CCDC7: variants seen among roughly 807,000 people sequenced by gnomAD.
The protein encoded by CCDC7 is coiled-coil domain containing 7, also known as coiled-coil domain-containing protein 7.
In CCDC7, 183 loss-of-function variants were observed where a neutral mutation model predicts 196.9. The observed-to-expected ratio is 0.93, with a 90% CI of 0.82 to 1.05. The LOEUF is 1.05. CCDC7 is among the 50% of genes least tolerant of loss of function. The pLI, the probability that CCDC7 is intolerant of heterozygous loss-of-function variation, is 0.00. For missense variants in CCDC7, 1,540 were observed against 1,482.2 expected (o/e 1.04, Z -0.64); for synonymous variants, 525 against 484.6 (o/e 1.08, Z -1.10).
In CCDC7 at chr10:32,721,930, G is replaced by A. The variant is rs540855805; in HGVS notation, c.2570-4804G>A. Among the ~76,000 whole-genome samples the A allele has an allele frequency of 1.1e-4, 17 of 152,234 alleles. No individual in the cohort carries two copies. In the South Asian group the frequency reaches 3.5e-3, roughly 32 times the overall value. On this transcript the variant is annotated intron_variant, in intron 25 of 41. Coordinates refer to ENST00000639629, the Ensembl canonical transcript of CCDC7. ...GTCTTGGGCAGTAGCCTCTGTGACAGTCACAAAGTCAGTACTGCCAGTGCT... is the reference window on the plus strand; with the variant it reads ...GTCTTGGGCAGTAGCCTCTGTGACAATCACAAAGTCAGTACTGCCAGTGCT...
chr10:32,845,939 C>T, exon 36 of CCDC7: 2 of 1,611,584 alleles, frequency 1.2e-6, no homozygotes, highest in East Asian at 2.2e-5. Context: ...CCAATCACTA[C>T]ACAACTGAAG....
At chr10:32,851,777 A>G (rs2093574426) in intron 39 of CCDC7, 30 bp from the exon 41 acceptor site, 1 of 1,589,294 alleles carries the variant, frequency 6.3e-7, no homozygotes, top group Non-Finnish European at 8.6e-7. Flanking sequence ...CATCTATTGT[A>G]TGGCTAACAT....
chr10:32,563,459 T>C (rs1489960807), intron 13 of CCDC7, among the ~76,000 whole-genome samples: 1 of 151,982 alleles, frequency 6.6e-6, no homozygotes, highest in Admixed American at 6.6e-5. Context: ...GAGATATAGA[T>C]CAATGGAACA....
Position 32,453,455 on chromosome 10 carries a change from A to C in CCDC7, c.372+19A>C, listed in dbSNP as rs532711423. 1 of 1,439,064 alleles carries C rather than the reference A, an allele frequency of 6.9e-7. No individual in the cohort carries two copies. Among genetic ancestry groups the C allele is most frequent in the South Asian group, 1.7e-5 (1 of 58,254 alleles). The allele number at this position is 1,439,064 out of a possible 1,614,324, so 89.1% of individuals were successfully genotyped here. ...TTTATCTGTAAGTATATGCAACCCT[A>C]ATATAGAGACATTAACACTGAAAAG... is the stretch of plus-strand genomic sequence containing the variant. On this transcript the variant is annotated intron_variant, in intron 2 of 41. Coordinates refer to ENST00000639629, the Ensembl canonical transcript of CCDC7.
At chr10:32,663,808 A>G (rs2072040525) in intron 20 of CCDC7, among the ~76,000 whole-genome samples, 1 of 151,956 alleles carries the variant, frequency 6.6e-6, no homozygotes, top group Non-Finnish European at 1.5e-5. Context: ...TAAATAATTA[A>G]GAACAAGTAG....
chr10:32,704,458 G>C (rs952714461), intron 24 of CCDC7, among the ~76,000 whole-genome samples: 3 of 151,010 alleles, frequency 2.0e-5, no homozygotes, highest in Non-Finnish European at 4.4e-5. Context: ...CAGGGGTCAG[G>C]GACCCACTTG....
At chr10:32,689,027 C>T (rs776386597) in intron 22 of CCDC7, 26 bp from the exon 24 acceptor site, 51 of 1,337,654 alleles carry the variant, frequency 3.8e-5, no homozygotes, top group East Asian at 3.0e-4. Flanking sequence ...TGTAATTTAG[C>T]GGACTAAACA....
At chr10:32,774,934 G>A (rs2079759735) in intron 28 of CCDC7, among the ~76,000 whole-genome samples, 1 of 152,120 alleles carries the variant, frequency 6.6e-6, no homozygotes, top group African/African-American at 2.4e-5. Flanking sequence ...TTTTGTTGTT[G>A]TTGTTAAAGA....
At chr10:32,824,422 G>T in intron 31 of CCDC7, 96 bp from the exon 33 acceptor site, 1 of 677,822 alleles carries the variant, frequency 1.5e-6, no homozygotes, top group Non-Finnish European at 2.4e-6. Context: ...CTACTCCAAT[G>T]AAGAATATTA....
At chr10:32,848,138 TTC>T (rs982827500) in intron 38 of CCDC7, among the ~76,000 whole-genome samples, 3 of 152,212 alleles carry the variant, frequency 2.0e-5, no homozygotes, top group African/African-American at 7.2e-5. Flanking sequence ...AGGTTTATAA[TTC>T]TCTGTTTAAA....
At chr10:32,721,158 A>G (rs116697180) in intron 25 of CCDC7, among the ~76,000 whole-genome samples, 99 of 152,288 alleles carry the variant, frequency 6.5e-4, no homozygotes, top group African/African-American at 2.2e-3. Context: ...ATAACTTAAA[A>G]AATAGCCCAG....
chr10:32,567,439 G>A (rs1336466998), intron 14 of CCDC7, among the ~76,000 whole-genome samples: 1 of 151,778 alleles, frequency 6.6e-6, no homozygotes, highest in Non-Finnish European at 1.5e-5. Context: ...AAAACTCCTG[G>A]GTATAAAAAT....
chr10:32,791,766 TAAAG>T (rs1054991631), intron 29 of CCDC7, among the ~76,000 whole-genome samples: 1 of 152,048 alleles, frequency 6.6e-6, no homozygotes, highest in Non-Finnish European at 1.5e-5. Flanking sequence ...TTACAGGTAT[TAAAG>T]AAGGAAACAG....
intron 21 of CCDC7, among the ~76,000 whole-genome samples, chr10:32,681,929 C>T (rs78514857): frequency 0.083 from 12,608 of 152,018 alleles, 570 homozygotes; most frequent in East Asian, 0.16. Context: ...TGTCTTTCTC[C>T]ATTTCATATA....
chr10:32,763,612 G>A (rs1032164059), intron 28 of CCDC7, among the ~76,000 whole-genome samples: 1 of 151,910 alleles, frequency 6.6e-6, no homozygotes, highest in Non-Finnish European at 1.5e-5. Context: ...TAAAGAAATT[G>A]TGGTGTTCTC....
At chr10:32,847,080 C>T (rs1396234773) in intron 37 of CCDC7, among the ~76,000 whole-genome samples, 2 of 152,224 alleles carry the variant, frequency 1.3e-5, no homozygotes, top group East Asian at 3.9e-4. Flanking sequence ...CGAAGCCGGC[C>T]CTCTAAAACC....
exon 17 of CCDC7, chr10:32,583,172 C>T (rs2137502851): frequency 8.1e-7 from 1 of 1,231,414 alleles, no homozygotes; most frequent in Admixed American, 4.2e-5. Context: ...CATCAGAGAC[C>T]CATGATAAAT....
intron 31 of CCDC7, among the ~76,000 whole-genome samples, chr10:32,817,145 A>T (rs1000996850): frequency 7.4e-4 from 113 of 152,230 alleles, no homozygotes; most frequent in African/African-American, 2.5e-3. Flanking sequence ...TCCTTAAAGG[A>T]CCTGATGGAG....
At chr10:32,470,203 A>G (rs550285761) in intron 5 of CCDC7, among the ~76,000 whole-genome samples, 104 of 152,258 alleles carry the variant, frequency 6.8e-4, no homozygotes, top group African/African-American at 2.2e-3. Context: ...CAGTGCTAGA[A>G]TTTATCTTTG....
Sources: gnomAD v4.1 joint callset for allele counts (sites outside exome capture counted in the v4.1 genomes callset) on GRCh38, gnomAD v4.1.1 for gene constraint, MANE v1.5 for transcripts, NCBI Gene and HGNC (gene_info 2026-07-23, HGNC 2026-07-21) for gene names.